DNAI7: variants seen among roughly 807,000 people sequenced by gnomAD.
DNAI7 encodes the protein cancer susceptibility 1.
A neutral mutation model predicts 86.6 loss-of-function variants in DNAI7; 78 were observed. That is an observed-to-expected ratio of 0.90 (90% CI 0.75 to 1.09). The LOEUF (loss-of-function observed/expected upper bound fraction) is 1.09. Among genes scored for constraint, DNAI7 ranks in the 50% least tolerant of loss-of-function variants. The pLI is 0.00. For missense variants in DNAI7, 753 were observed against 810.2 expected, an observed-to-expected ratio of 0.93 and a Z score of 0.86; for synonymous variants, 274 against 273.0, an observed-to-expected ratio of 1.00 and a Z score of -0.04.
chr12:25,174,409 TATATGGGATATATATATC>T (rs2141195573), intron 2 of DNAI7, among the ~76,000 whole-genome samples: 1 of 3,730 alleles, frequency 2.7e-4, no homozygotes, highest in African/African-American at 1.8e-3. Flanking sequence ...ATATATGGGA[TATATGGGATATATATATC>T]ATATATATCA....
intron 9 of DNAI7, among the ~76,000 whole-genome samples, chr12:25,142,233 A>C (rs1206458474): frequency 6.6e-6 from 1 of 152,208 alleles, no homozygotes; most frequent in Non-Finnish European, 1.5e-5. Context: ...ATTGTAAGTG[A>C]AGTAACCCAG....
intron 2 of DNAI7, among the ~76,000 whole-genome samples, chr12:25,167,744 C>G (rs534702114): frequency 1.3e-5 from 2 of 152,104 alleles, no homozygotes; most frequent in African/African-American, 4.8e-5. Context: ...CCAGCAAGAC[C>G]TCCCCAGACA....
chr12:25,188,888 T>C (rs1354388395), intron 2 of DNAI7, among the ~76,000 whole-genome samples: 1 of 152,216 alleles, frequency 6.6e-6, no homozygotes, highest in East Asian at 1.9e-4. Context: ...ACAAAATGAA[T>C]GTCCACACAA....
chr12:25,193,049 G>A (rs753407604), intron 1 of DNAI7, among the ~76,000 whole-genome samples: 60 of 151,834 alleles, frequency 4.0e-4, no homozygotes, highest in Non-Finnish European at 7.5e-4. Context: ...AGGAGGCTGA[G>A]TTGGGAAGAT....
chr12:25,132,050 T>C (rs1474909175), intron 9 of DNAI7, among the ~76,000 whole-genome samples: 1 of 151,904 alleles, frequency 6.6e-6, no homozygotes, highest in East Asian at 1.9e-4. Context: ...CAAGTAGAAG[T>C]TAGGTACAGG....
In DNAI7 at chr12:25,162,287, G is replaced by A. The variant is rs186186406; in HGVS notation, c.22-1090C>T. On this transcript the variant is annotated intron_variant, in intron 2 of 15. Coordinates refer to ENST00000395987, the MANE Select transcript of DNAI7 (RefSeq NM_018272.5). ...AGGAAAGAGGAGAGAGTCTCACAGA[G>A]GGAGAATGGCAGTCCAGAACAGGTG... Among the ~76,000 whole-genome samples the A allele has an allele frequency of 2.3e-3, 344 of 152,254 alleles. 5 individuals carry two copies. Among genetic ancestry groups the A allele is most frequent in the Non-Finnish European group, 6.8e-4 (46 of 68,022 alleles).
intron 6 of DNAI7, among the ~76,000 whole-genome samples, chr12:25,150,406 T>C (rs140399615): frequency 0.02 from 3,074 of 151,944 alleles, 115 homozygotes; most frequent in East Asian, 0.12. Flanking sequence ...AGATCAAGAC[T>C]ATCCTGGCTA....
At chr12:25,182,682 G>A (rs1277797746) in intron 2 of DNAI7, among the ~76,000 whole-genome samples, 1 of 150,714 alleles carries the variant, frequency 6.6e-6, no homozygotes, top group Non-Finnish European at 1.5e-5. Context: ...CAGTGCTTTC[G>A]GAGGCCCTGG....
intron 1 of DNAI7, among the ~76,000 whole-genome samples, chr12:25,194,383 G>A (rs1215040693): frequency 6.6e-6 from 1 of 152,174 alleles, no homozygotes; most frequent in Non-Finnish European, 1.5e-5. Flanking sequence ...CAAGTACAAA[G>A]AATGCACTCC....
At chr12:25,109,031 T>G (rs920734201) in intron 15 of DNAI7, among the ~76,000 whole-genome samples, 3 of 152,136 alleles carry the variant, frequency 2.0e-5, no homozygotes, top group Non-Finnish European at 2.9e-5. Flanking sequence ...ATGTATTAAT[T>G]CATGCAACAA....
intron 2 of DNAI7, among the ~76,000 whole-genome samples, chr12:25,189,210 G>T (rs892258670): frequency 6.6e-6 from 1 of 152,188 alleles, no homozygotes; most frequent in African/African-American, 2.4e-5. Context: ...TCTACTATGT[G>T]CCAGGCACTG....
At chr12:25,153,791 A>AT (rs1221523381) in intron 6 of DNAI7, among the ~76,000 whole-genome samples, 1 of 152,074 alleles carries the variant, frequency 6.6e-6, no homozygotes, top group African/African-American at 2.4e-5. Flanking sequence ...ATGAATTTAA[A>AT]TTTTTTTTAA....
chr12:25,140,092 T>C (rs1944002586), intron 9 of DNAI7, among the ~76,000 whole-genome samples: 2 of 152,078 alleles, frequency 1.3e-5, no homozygotes, highest in South Asian at 2.1e-4. Context: ...AACATTATAC[T>C]GAATAGGGAA....
intron 4 of DNAI7, among the ~76,000 whole-genome samples, chr12:25,156,368 C>T (rs1946171657): frequency 6.6e-6 from 1 of 152,084 alleles, no homozygotes; most frequent in South Asian, 2.1e-4. Context: ...ATATCTGTTG[C>T]CAATGACAAA....
intron 4 of DNAI7, among the ~76,000 whole-genome samples, chr12:25,157,347 AT>A (rs1946308028): frequency 6.6e-6 from 1 of 151,548 alleles, no homozygotes; most frequent in African/African-American, 2.4e-5. Flanking sequence ...CAGAAAGGCT[AT>A]TAAAATATTA....
chr12:25,193,370 G>T (rs866120354), intron 1 of DNAI7, among the ~76,000 whole-genome samples: 1 of 152,218 alleles, frequency 6.6e-6, no homozygotes, highest in Middle Eastern at 3.4e-3. Context: ...ATGAAGTTTT[G>T]TTGCCACAAA....
chr12:25,183,413 A>C (rs958764967), intron 2 of DNAI7, among the ~76,000 whole-genome samples: 2 of 151,922 alleles, frequency 1.3e-5, no homozygotes, highest in Admixed American at 6.6e-5. Context: ...CAATGCTCAA[A>C]ACAAAACAAA....
At chr12:25,124,554 G>A (rs935523281) in intron 9 of DNAI7, among the ~76,000 whole-genome samples, 3 of 152,152 alleles carry the variant, frequency 2.0e-5, no homozygotes, top group Non-Finnish European at 4.4e-5. Context: ...AATTCTGTGG[G>A]AAAATGTGTG....
chr12:25,150,326 C>G lies in DNAI7; in HGVS notation c.439-552G>C, dbSNP rs147162666. ...GCATCATTAAATTAATAATGGAGGC[C>G]GGGCGCAGTGGCTCATGCCTGCAAT... is the stretch of plus-strand genomic sequence containing the variant. On this transcript the variant is annotated intron_variant, in intron 6 of 15. Coordinates refer to ENST00000395987, the MANE Select transcript of DNAI7 (RefSeq NM_018272.5). Among the ~76,000 whole-genome samples the G allele has an allele frequency of 8.6e-5, 13 of 151,984 alleles. 1 individual carries two copies. Among genetic ancestry groups the G allele is most frequent in the African/African-American group, 2.7e-4 (11 of 41,480 alleles).
Sources: allele counts gnomAD v4.1 joint callset (sites outside exome capture counted in the v4.1 genomes callset), GRCh38; gene constraint gnomAD v4.1.1; transcripts MANE v1.5; gene names NCBI Gene and HGNC (gene_info 2026-07-23, HGNC 2026-07-21).